PRKG1: variants seen among roughly 807,000 people sequenced by gnomAD.
PRKG1 encodes the protein cGMP-dependent protein kinase 1.
Under a neutral mutation model 88.1 loss-of-function variants are expected in PRKG1, and 35 were observed. The observed-to-expected ratio is 0.40, with a 90% CI of 0.30 to 0.53. PRKG1 has a LOEUF of 0.53. Among genes scored for constraint, PRKG1 ranks in the 20% least tolerant of loss-of-function variants. PRKG1 has a pLI of 0.59. For missense variants in PRKG1, 540 were observed against 839.8 expected, an observed-to-expected ratio of 0.64 and a Z score of 4.41; for synonymous variants, 303 against 292.5, an observed-to-expected ratio of 1.04 and a Z score of -0.37.
chr10:51,396,457 C>A (rs1316474280), intron 2 of PRKG1, among the ~76,000 whole-genome samples: 2 of 151,452 alleles, frequency 1.3e-5, no homozygotes, highest in African/African-American at 2.4e-5. Context: ...TAATTTAGTA[C>A]CCAAGTAAGT....
intron 9 of PRKG1, among the ~76,000 whole-genome samples, chr10:52,162,221 T>C (rs1838295504): frequency 6.6e-6 from 1 of 152,104 alleles, no homozygotes; most frequent in East Asian, 1.9e-4. Context: ...AAATCTAATA[T>C]AAACAATTAA....
chr10:51,392,765 C>A (rs1226957993), intron 2 of PRKG1, among the ~76,000 whole-genome samples: 2 of 134,050 alleles, frequency 1.5e-5, no homozygotes, highest in African/African-American at 2.6e-5. Context: ...GGGGGGCTGA[C>A]CACCCCCACC....
rs1483380599 is a variant in PRKG1 at position 51,722,821 on chromosome 10, G to A, written c.593-81764G>A. Among the ~76,000 whole-genome samples the A allele has an allele frequency of 2.0e-5, 3 of 152,280 alleles. 1 individual carries two copies. In the Middle Eastern group the frequency reaches 0.01, roughly 518 times the overall value. On this transcript the variant is annotated intron_variant, in intron 3 of 17. Transcript: ENST00000373980. ...TAAAAGCATTTATAGATACAAGAGA[G>A]AGTTATCTCACTGCTAAAGGACTGA...
intron 3 of PRKG1, among the ~76,000 whole-genome samples, chr10:51,584,229 G>T (rs139555103): frequency 1.1e-3 from 171 of 152,098 alleles, no homozygotes; most frequent in African/African-American, 3.9e-3. Context: ...CCTTTTGTTT[G>T]AATAGAATTC....
intron 2 of PRKG1, among the ~76,000 whole-genome samples, chr10:51,224,349 A>G (rs1449732869): frequency 6.6e-6 from 1 of 152,216 alleles, no homozygotes; most frequent in African/African-American, 2.4e-5. Context: ...CCATGGTAGC[A>G]TGTTCCATCC....
At chr10:52,050,219 T>C (rs754077251) in intron 5 of PRKG1, among the ~76,000 whole-genome samples, 47 of 152,020 alleles carry the variant, frequency 3.1e-4, no homozygotes, top group Non-Finnish European at 5.7e-4. Context: ...CTCAGAAGGC[T>C]GGCAGGGCTG....
chr10:51,030,059 G>T (rs1464632236), intron 1 of PRKG1, among the ~76,000 whole-genome samples: 1 of 152,110 alleles, frequency 6.6e-6, no homozygotes, highest in Non-Finnish European at 1.5e-5. Flanking sequence ...TAGAGAAACA[G>T]AAATTCAAGT....
At chr10:51,754,112 G>A (rs1389372987) in intron 3 of PRKG1, among the ~76,000 whole-genome samples, 1 of 151,904 alleles carries the variant, frequency 6.6e-6, no homozygotes, top group Admixed American at 6.6e-5. Context: ...ACTTTTCTCT[G>A]GATTTAGCCA....
At chr10:51,107,735 G>T (rs1176512483) in intron 1 of PRKG1, among the ~76,000 whole-genome samples, 3 of 149,830 alleles carry the variant, frequency 2.0e-5, no homozygotes, top group Admixed American at 6.7e-5. Context: ...GAGCTGGGAG[G>T]GTATTTTGAG....
At position 52,297,132 on chromosome 10, in the gene PRKG1, T is replaced by C. The variant is rs956036522; in HGVS notation, c.*3232T>C. On this transcript the variant is annotated 3_prime_UTR_variant, in exon 18 of 18. Coordinates refer to ENST00000373980, the MANE Select transcript of PRKG1 (RefSeq NM_006258.4). ...CTATAGGACCACAGACAAATATTTA[T>C]GTAAATAGGTATTTTTGTGTGATAT... 3 of 152,174 alleles carry C rather than the reference T, an allele frequency of 2.0e-5. No homozygotes were observed. Among genetic ancestry groups the C allele is most frequent in the Non-Finnish European group, 4.4e-5 (3 of 68,024 alleles). The allele number at this position is 152,174 out of a possible 1,614,324, so 9.4% of individuals were successfully genotyped here.
At chr10:52,251,879 C>A in intron 10 of PRKG1, 1 of 454,014 alleles carries the variant, frequency 2.2e-6, no homozygotes, top group Non-Finnish European at 3.9e-6. Context: ...TAAAATAACA[C>A]CTTGCTTTTT....
chr10:51,889,775 T>C (rs1841670145), intron 4 of PRKG1, among the ~76,000 whole-genome samples: 1 of 152,186 alleles, frequency 6.6e-6, no homozygotes, highest in African/African-American at 2.4e-5. Context: ...TGGTATCTCA[T>C]TGTGGTTTTG....
chr10:52,157,312 T>TATATAC (rs1564494153), intron 8 of PRKG1, among the ~76,000 whole-genome samples: 5 of 43,152 alleles, frequency 1.2e-4, no homozygotes, highest in African/African-American at 2.4e-4. Context: ...AGTTGATATA[T>TATATAC]ATATATATAT....
intron 1 of PRKG1, among the ~76,000 whole-genome samples, chr10:51,148,597 G>C (rs9415731): frequency 0.081 from 12,273 of 152,140 alleles, 1,018 homozygotes; most frequent in African/African-American, 0.21. Flanking sequence ...AAAGTAGAGA[G>C]TGGGCACACT....
intron 4 of PRKG1, among the ~76,000 whole-genome samples, chr10:51,834,363 G>A (rs983408968): frequency 1.3e-5 from 2 of 152,134 alleles, no homozygotes; most frequent in African/African-American, 4.8e-5. Flanking sequence ...GAGGGGGGCA[G>A]GTGCCATGGC....
intron 1 of PRKG1, among the ~76,000 whole-genome samples, chr10:51,082,934 C>A (rs971147736): frequency 5.3e-5 from 8 of 152,122 alleles, no homozygotes; most frequent in African/African-American, 1.9e-4. Context: ...CTGGGGTAGA[C>A]CTGAGGTATA....
chr10:51,762,855 T>C (rs182112272), intron 3 of PRKG1, among the ~76,000 whole-genome samples: 32 of 152,308 alleles, frequency 2.1e-4, no homozygotes, highest in African/African-American at 7.5e-4. Flanking sequence ...GAAGGATCTA[T>C]ATCCTCACAG....
At chr10:51,965,967 C>T (rs1026775407) in intron 5 of PRKG1, among the ~76,000 whole-genome samples, 1 of 152,058 alleles carries the variant, frequency 6.6e-6, no homozygotes, top group Non-Finnish European at 1.5e-5. Context: ...GAAAGTACCT[C>T]TAATATGCAT....
chr10:51,849,665 T>A (rs1431000022), intron 4 of PRKG1, among the ~76,000 whole-genome samples: 2 of 152,224 alleles, frequency 1.3e-5, no homozygotes, highest in Non-Finnish European at 2.9e-5. Flanking sequence ...TTGAATTTAA[T>A]AATCACCAAA....
Sources: allele counts gnomAD v4.1 joint callset (sites outside exome capture counted in the v4.1 genomes callset), GRCh38; gene constraint gnomAD v4.1.1; transcripts MANE v1.5; gene names NCBI Gene and HGNC (gene_info 2026-07-23, HGNC 2026-07-21).